The following ATRNL1 variants were observed in gnomAD, a reference collection of about 807,000 sequenced individuals.
The protein encoded by ATRNL1 is attractin like 1.
Under a neutral mutation model 182.7 loss-of-function variants are expected in ATRNL1, and 95 were observed. The observed-to-expected ratio is 0.52, with a 90% CI of 0.44 to 0.62. The LOEUF (loss-of-function observed/expected upper bound fraction) is 0.62. Among genes scored for constraint, ATRNL1 ranks in the 20% least tolerant of loss-of-function variants. The pLI is 0.00. For missense variants in ATRNL1, 1,471 were observed against 1,679.5 expected (o/e 0.88, Z 2.17); for synonymous variants, 576 against 568.3 (o/e 1.01, Z -0.19).
At chr10:115,194,151 A>G (rs1401205569) in intron 8 of ATRNL1, among the ~76,000 whole-genome samples, 2 of 152,010 alleles carry the variant, frequency 1.3e-5, no homozygotes, top group Non-Finnish European at 2.9e-5. Flanking sequence ...CTATGTGCTG[A>G]GGAGAAGAAT....
At chr10:115,101,796 T>C (rs543621926) in intron 1 of ATRNL1, among the ~76,000 whole-genome samples, 1 of 152,306 alleles carries the variant, frequency 6.6e-6, no homozygotes, top group Admixed American at 6.5e-5. Context: ...TTTGGTGGAA[T>C]TCACCATCGA....
At chr10:115,263,821 C>G (rs1851491992) in intron 10 of ATRNL1, among the ~76,000 whole-genome samples, 1 of 151,680 alleles carries the variant, frequency 6.6e-6, no homozygotes, top group Admixed American at 6.6e-5. Flanking sequence ...AGAGCATTGA[C>G]TCTTGAGGAT....
intron 28 of ATRNL1, among the ~76,000 whole-genome samples, chr10:115,900,997 G>A (rs1952335220): frequency 6.6e-6 from 1 of 152,180 alleles, no homozygotes; most frequent in Non-Finnish European, 1.5e-5. Context: ...ATGTAGAAGA[G>A]TCCACATCCT....
chr10:115,911,070 T>C (rs766948178), intron 28 of ATRNL1, among the ~76,000 whole-genome samples: 26 of 152,146 alleles, frequency 1.7e-4, no homozygotes, highest in Non-Finnish European at 3.5e-4. Context: ...AATAGTGCGA[T>C]CTTAGCTCCC....
At chr10:115,458,219 T>C (rs1218658075) in intron 21 of ATRNL1, among the ~76,000 whole-genome samples, 1 of 152,136 alleles carries the variant, frequency 6.6e-6, no homozygotes, top group Non-Finnish European at 1.5e-5. Flanking sequence ...GCCAGGTAAA[T>C]TTTCCATTCA....
At chr10:115,349,006 A>G (rs1856105979) in intron 19 of ATRNL1, among the ~76,000 whole-genome samples, 1 of 152,140 alleles carries the variant, frequency 6.6e-6, no homozygotes, top group South Asian at 2.1e-4. Flanking sequence ...TATACAATAA[A>G]TTATTTTAAA....
Position 115,297,505 on chromosome 10 carries a change from C to A in ATRNL1, c.2416-2529C>A, listed in dbSNP as rs373221164. Among the ~76,000 whole-genome samples, 5 of 151,878 alleles carry A rather than the reference C, an allele frequency of 3.3e-5. 1 individual carries two copies. The highest frequency in any genetic ancestry group is 1.2e-4 in the African/African-American group (5 of 41,464). ...AAAAAATACAAAAAAATTAGCTGGG[C>A]GTGGTGGTGGGTGCCTGTAGTCCCA... On this transcript the variant is annotated intron_variant, in intron 15 of 28. Coordinates refer to ENST00000355044, the MANE Select transcript of ATRNL1 (RefSeq NM_207303.4).
chr10:115,287,659 A>G (rs782313292), intron 15 of ATRNL1, among the ~76,000 whole-genome samples: 4 of 152,148 alleles, frequency 2.6e-5, no homozygotes, highest in Non-Finnish European at 4.4e-5. Context: ...AATCAGGGAA[A>G]TTAGCATATC....
rs139466622 is a variant in ATRNL1, at chr10:115,868,636, G to A, written c.4018+20645G>A. Among the ~76,000 whole-genome samples, 258 of 152,044 alleles carry A rather than the reference G, an allele frequency of 1.7e-3. 2 individuals are homozygous for A. Among genetic ancestry groups the A allele is most frequent in the African/African-American group, 6.1e-3 (251 of 41,478 alleles). Reference sequence around the variant, plus strand: ...AAGCCCTAAAGAAGGCATGCAGTTCGCCCAGGGTCATACAGCTGATTATTA... The same window carrying A: ...AAGCCCTAAAGAAGGCATGCAGTTCACCCAGGGTCATACAGCTGATTATTA... On this transcript the variant is annotated intron_variant, in intron 28 of 28. Coordinates refer to ENST00000355044, the MANE Select transcript of ATRNL1 (RefSeq NM_207303.4).
rs542200613 is a variant in ATRNL1, at chr10:115,469,201, A to G, written c.3526A>G (p.Ile1176Val). 3.3e-5 allele frequency: 44 copies of G among 1,351,650 alleles called. No homozygotes were observed. The highest frequency in any genetic ancestry group is 4.1e-5 in the Non-Finnish European group (41 of 1,011,534). 83.7% of individuals were successfully genotyped at this position (1,351,650 alleles called of 1,614,324 possible). A position where few individuals can be genotyped will look rare whatever the true frequency, so the allele number is the denominator to read the frequency against. Residue 1176 changes from isoleucine to valine, a missense_variant, in exon 24 of 29, where the codon ATA (isoleucine) becomes GTA (valine). Coordinates refer to ENST00000355044, the MANE Select transcript of ATRNL1 (RefSeq NM_207303.4). Reference protein sequence around the residue: ...AGTISGEETSIVSKNNIKEYR... With the variant: ...AGTISGEETSVVSKNNIKEYR... ...AACAATATCTGGGGAAGAGACTTCTATAGTTTCCAAGAATAATATAAAGGA... is the reference window on the plus strand; with the variant it reads ...AACAATATCTGGGGAAGAGACTTCTGTAGTTTCCAAGAATAATATAAAGGA...
chr10:115,418,532 A>T (rs1470542998), intron 20 of ATRNL1, among the ~76,000 whole-genome samples: 2 of 152,176 alleles, frequency 1.3e-5, no homozygotes, highest in Non-Finnish European at 2.9e-5. Flanking sequence ...CCAAAAACTT[A>T]TTAAAAATAA....
At chr10:115,235,330 A>G (rs1295236246) in intron 9 of ATRNL1, among the ~76,000 whole-genome samples, 1 of 152,188 alleles carries the variant, frequency 6.6e-6, no homozygotes, top group Non-Finnish European at 1.5e-5. Flanking sequence ...TGCAACTATT[A>G]CCACTAGTTC....
chr10:115,936,196 G>T (rs913631937), intron 28 of ATRNL1, among the ~76,000 whole-genome samples: 8 of 152,318 alleles, frequency 5.3e-5, no homozygotes, highest in Middle Eastern at 3.4e-3. Flanking sequence ...CTTCTCACTT[G>T]ATGTTAATGA....
intron 28 of ATRNL1, among the ~76,000 whole-genome samples, chr10:115,936,737 A>T (rs1021311050): frequency 1.4e-4 from 21 of 152,226 alleles, no homozygotes; most frequent in African/African-American, 4.8e-4. Flanking sequence ...CATTTCTTCA[A>T]TGAGCAGTAA....
rs546988524 is a variant in ATRNL1, at chr10:115,844,102, T to C, written c.3904-3775T>C. 2.6e-5 allele frequency among the ~76,000 whole-genome samples: 4 copies of C among 152,230 alleles called. 1 individual carries two copies. In the South Asian group the frequency reaches 6.2e-4, roughly 24 times the overall value. ...CCACCTGTGCCTTGAAGCGACTTAG[T>C]TTACAAGTTCTGCTTTGGAACTACT... On this transcript the variant is annotated intron_variant, in intron 27 of 28. Transcript: ENST00000355044.
intron 28 of ATRNL1, among the ~76,000 whole-genome samples, chr10:115,853,896 T>G (rs115140686): frequency 2.0e-5 from 3 of 152,160 alleles, no homozygotes; most frequent in Non-Finnish European, 4.4e-5. Flanking sequence ...AAAAAATATC[T>G]GATATTAAAA....
At chr10:115,327,340 C>T (rs1554933667) in intron 18 of ATRNL1, among the ~76,000 whole-genome samples, 2 of 151,940 alleles carry the variant, frequency 1.3e-5, no homozygotes, top group African/African-American at 2.4e-5. Flanking sequence ...AAAAAATGCT[C>T]ACCATCACTG....
At chr10:115,390,645 A>C (rs1486758999) in intron 19 of ATRNL1, among the ~76,000 whole-genome samples, 4 of 152,152 alleles carry the variant, frequency 2.6e-5, no homozygotes, top group Non-Finnish European at 4.4e-5. Context: ...CTTGCTCATT[A>C]ATTTCCATAT....
intron 19 of ATRNL1, among the ~76,000 whole-genome samples, chr10:115,349,832 T>C (rs1856148216): frequency 6.6e-6 from 1 of 152,188 alleles, no homozygotes; most frequent in Non-Finnish European, 1.5e-5. Flanking sequence ...TTGTTTGAGC[T>C]CCTTATGTGT....
Sources: gnomAD v4.1 joint callset for allele counts (sites outside exome capture counted in the v4.1 genomes callset) on GRCh38, gnomAD v4.1.1 for gene constraint, MANE v1.5 for transcripts, NCBI Gene and HGNC (gene_info 2026-07-23, HGNC 2026-07-21) for gene names.